MACROD2: variants seen among roughly 807,000 people sequenced by gnomAD.
MACROD2 encodes the protein ADP-ribose glycohydrolase MACROD2.
MACROD2 carries 36 observed loss-of-function variants against 70.4 expected under a neutral mutation model. The ratio of observed to expected loss-of-function variants is 0.51; its 90% CI spans 0.39 to 0.68. The LOEUF (loss-of-function observed/expected upper bound fraction) is 0.68, where lower values mean the gene tolerates loss of function less well. MACROD2 is among the 30% of genes least tolerant of loss of function. The probability of loss-of-function intolerance (pLI) is 0.00; values close to 1 mark genes in which losing one functional copy is unlikely to be tolerated. For synonymous variants in MACROD2, 172 were observed against 178.8 expected (o/e 0.96, Z 0.30); for missense variants, 496 against 538.4 (o/e 0.92, Z 0.78).
At chr20:15,420,094 G>A (rs1246277593) in intron 6 of MACROD2, among the ~76,000 whole-genome samples, 1 of 152,166 alleles carries the variant, frequency 6.6e-6, no homozygotes, top group Non-Finnish European at 1.5e-5. Context: ...ATGATTTACA[G>A]TAAAACATTC....
chr20:15,863,225 A>G (rs971004055), intron 9 of MACROD2, among the ~76,000 whole-genome samples: 2 of 152,132 alleles, frequency 1.3e-5, no homozygotes, highest in African/African-American at 2.4e-5. Flanking sequence ...TTGTAAGCCC[A>G]TTTATATTCA....
intron 3 of MACROD2, among the ~76,000 whole-genome samples, chr20:14,140,156 A>T (rs2054850956): frequency 6.6e-6 from 1 of 152,208 alleles, no homozygotes; most frequent in African/African-American, 2.4e-5. Flanking sequence ...GTTTGGTGGG[A>T]TTTAATGAAA....
intron 9 of MACROD2, among the ~76,000 whole-genome samples, chr20:15,869,179 A>G (rs1284591923): frequency 4.4e-4 from 64 of 144,756 alleles, no homozygotes; most frequent in African/African-American, 1.5e-3. Context: ...TATACACAAT[A>G]CGCATGTCAA....
At chr20:15,981,856 G>A (rs545920752) in intron 13 of MACROD2, among the ~76,000 whole-genome samples, 2 of 152,058 alleles carry the variant, frequency 1.3e-5, no homozygotes, top group Admixed American at 1.3e-4. Flanking sequence ...GTGCAGGAGG[G>A]GCTGACTTTT....
intron 7 of MACROD2, among the ~76,000 whole-genome samples, chr20:15,460,044 A>G (rs1367238561): frequency 4.6e-5 from 7 of 152,152 alleles, no homozygotes; most frequent in Non-Finnish European, 2.9e-5. Context: ...AGAGATGGGC[A>G]CATTGATTCC....
At chr20:14,860,959 T>A (rs1223304467) in intron 5 of MACROD2, among the ~76,000 whole-genome samples, 7 of 149,306 alleles carry the variant, frequency 4.7e-5, no homozygotes, top group East Asian at 2.0e-4. Context: ...CTGGAGACTT[T>A]AAAAAAAAAA....
intron 8 of MACROD2, among the ~76,000 whole-genome samples, chr20:15,749,220 C>T (rs866863934): frequency 6.6e-6 from 1 of 151,954 alleles, no homozygotes. Flanking sequence ...AGAGTAAGTA[C>T]TTATTAATTT....
intron 3 of MACROD2, among the ~76,000 whole-genome samples, chr20:14,251,211 T>C (rs951399507): frequency 6.6e-6 from 1 of 152,142 alleles, no homozygotes; most frequent in Non-Finnish European, 1.5e-5. Flanking sequence ...CTTACTGCAC[T>C]GTACAGTGTA....
intron 2 of MACROD2, among the ~76,000 whole-genome samples, chr20:14,071,262 T>TG (rs1440210846): frequency 1.6e-4 from 20 of 126,644 alleles, no homozygotes; most frequent in African/African-American, 6.0e-4. Flanking sequence ...GTTTTTTTTT[T>TG]TTTTTTTTTT....
intron 5 of MACROD2, among the ~76,000 whole-genome samples, chr20:14,712,708 G>A (rs1483406336): frequency 1.3e-5 from 2 of 152,166 alleles, no homozygotes; most frequent in Admixed American, 1.3e-4. Flanking sequence ...CTTTTAGGGA[G>A]CTTGAATTGT....
chr20:15,416,766 G>GT (rs940762492), intron 6 of MACROD2, among the ~76,000 whole-genome samples: 3 of 141,534 alleles, frequency 2.1e-5, no homozygotes, highest in Non-Finnish European at 4.7e-5. Flanking sequence ...TAGCGGGGCG[G>GT]TGGGGGGGCG....
intron 11 of MACROD2, 148 bp downstream of exon 11, chr20:15,933,486 A>G: frequency 1.6e-6 from 1 of 618,396 alleles, no homozygotes; most frequent in Non-Finnish European, 2.7e-6. Flanking sequence ...GGAAGCCACC[A>G]TCTCCGATAA....
At chr20:14,639,560 C>T (rs375268839) in intron 4 of MACROD2, among the ~76,000 whole-genome samples, 9 of 152,228 alleles carry the variant, frequency 5.9e-5, no homozygotes, top group East Asian at 5.8e-4. Flanking sequence ...GTTCAATTGC[C>T]GTCAGGATAC....
At position 15,255,834 on chromosome 20, in the gene MACROD2, A is replaced by C. The variant is rs996928747; in HGVS notation, c.540+25773A>C. ...GCATATTGATTTGGTCTCTCACTTG[A>C]CTCTATGTCTTGGTGCTTCTACATG... On this transcript the variant is annotated intron_variant, in intron 6 of 17. Coordinates refer to ENST00000684519, the MANE Select transcript of MACROD2 (RefSeq NM_001351661.2). Among the ~76,000 whole-genome samples, 4 of 151,798 alleles carry C rather than the reference A, an allele frequency of 2.6e-5. No individual in the cohort carries two copies. In the South Asian group the frequency reaches 6.2e-4, roughly 24 times the overall value.
chr20:14,578,317 T>A lies in MACROD2; in HGVS notation c.301+84809T>A, dbSNP rs577783121. Among the ~76,000 whole-genome samples, 9 of 152,196 alleles carry A rather than the reference T, an allele frequency of 5.9e-5. No homozygotes were observed. In the East Asian group the frequency reaches 1.7e-3, roughly 29 times the overall value. On this transcript the variant is annotated intron_variant, in intron 4 of 17. Coordinates refer to ENST00000684519, the MANE Select transcript of MACROD2 (RefSeq NM_001351661.2). ...ATTTTTTGATATTACAGTAGTCAGG[T>A]ACAAGGAAGTTTATTATTACAGGCG...
intron 5 of MACROD2, among the ~76,000 whole-genome samples, chr20:15,058,955 G>A (rs367595): frequency 0.26 from 39,136 of 152,048 alleles, 5,698 homozygotes; most frequent in Non-Finnish European, 0.34. Context: ...CAGACAGTAG[G>A]TGCTTAATGA....
At chr20:15,420,728 A>C (rs888400364) in intron 6 of MACROD2, among the ~76,000 whole-genome samples, 3 of 152,180 alleles carry the variant, frequency 2.0e-5, no homozygotes, top group Non-Finnish European at 4.4e-5. Flanking sequence ...CTAATGGTTA[A>C]GTGGGTTAAT....
intron 6 of MACROD2, among the ~76,000 whole-genome samples, chr20:15,286,823 A>G (rs1044641293): frequency 2.6e-5 from 4 of 152,192 alleles, no homozygotes; most frequent in Non-Finnish European, 5.9e-5. Flanking sequence ...CACATCCCTC[A>G]GAAGCTAGTG....
chr20:15,893,607 A>G (rs981132875), intron 10 of MACROD2: 1 of 421,436 alleles, frequency 2.4e-6, no homozygotes, highest in Non-Finnish European at 4.7e-6. Flanking sequence ...TGAAATGTTG[A>G]TGAGATGTTC....
Sources: allele counts gnomAD v4.1 joint callset (sites outside exome capture counted in the v4.1 genomes callset), GRCh38; gene constraint gnomAD v4.1.1; transcripts MANE v1.5; gene names NCBI Gene and HGNC (gene_info 2026-07-23, HGNC 2026-07-21).